MEGF11: variants seen among roughly 807,000 people sequenced by gnomAD.
MEGF11 encodes the protein multiple EGF like domains 11.
MEGF11 carries 126 observed loss-of-function variants against 146.6 expected under a neutral mutation model. The observed-to-expected ratio is 0.86, with a 90% CI of 0.74 to 1.00. The LOEUF (loss-of-function observed/expected upper bound fraction) is 1.00. Ranked by LOEUF, MEGF11 falls within the 50% of genes least tolerant of loss-of-function variation. The probability of loss-of-function intolerance (pLI) is 0.00; values close to 1 mark genes in which losing one functional copy is unlikely to be tolerated. For synonymous variants in MEGF11, 532 were observed against 583.4 expected (o/e 0.91, Z 1.27); for missense variants, 1,509 against 1,521.2 (o/e 0.99, Z 0.13).
chr15:66,208,896 AAAT>A lies in MEGF11; in HGVS notation c.-9+44706_-9+44708del, dbSNP rs560766753. 1.6e-3 allele frequency among the ~76,000 whole-genome samples: 248 copies of A among 152,116 alleles called. 1 individual carries two copies. The highest frequency in any genetic ancestry group is 5.9e-3 in the African/African-American group (243 of 41,494). ...CCATCTCAAAAAAGTAAAAAATAAA[AAAT>A]AAATAAAAACATGTCCCAGCTAGAG... On this transcript the variant is annotated intron_variant, in intron 1 of 25. Coordinates refer to ENST00000395614, the MANE Select transcript of MEGF11 (RefSeq NM_001385028.1).
At chr15:66,201,965 A>AC (rs1307909650) in intron 1 of MEGF11, among the ~76,000 whole-genome samples, 4 of 148,562 alleles carry the variant, frequency 2.7e-5, no homozygotes, top group African/African-American at 1.0e-4. Context: ...AAAAAAAAAA[A>AC]AAAAAAAAAA....
chr15:66,141,155 A>C (rs534046995), intron 1 of MEGF11, among the ~76,000 whole-genome samples: 1 of 151,812 alleles, frequency 6.6e-6, no homozygotes, highest in East Asian at 1.9e-4. Context: ...GCTCACGTGG[A>C]TGACCTAGAC....
chr15:65,981,830 A>G (rs547268757), intron 6 of MEGF11, among the ~76,000 whole-genome samples: 25 of 152,276 alleles, frequency 1.6e-4, no homozygotes, highest in African/African-American at 5.8e-4. Context: ...CAAATGCCCT[A>G]GAAGGGAAGG....
chr15:66,251,860 A>G (rs1418762711), intron 1 of MEGF11, among the ~76,000 whole-genome samples: 1 of 152,232 alleles, frequency 6.6e-6, no homozygotes, highest in Non-Finnish European at 1.5e-5. Context: ...CTAGCGGCTT[A>G]AACAAAATGT....
At chr15:65,979,117 AC>A (rs2081549350) in intron 7 of MEGF11, among the ~76,000 whole-genome samples, 1 of 152,164 alleles carries the variant, frequency 6.6e-6, no homozygotes, top group Non-Finnish European at 1.5e-5. Context: ...GTTCTGTGAA[AC>A]ACAGAAGGAA....
intron 5 of MEGF11, among the ~76,000 whole-genome samples, chr15:65,995,171 G>A (rs2082163500): frequency 6.6e-6 from 1 of 152,250 alleles, no homozygotes; most frequent in Non-Finnish European, 1.5e-5. Context: ...AGAGCACAGG[G>A]AGGGGGCGTG....
intron 1 of MEGF11, among the ~76,000 whole-genome samples, chr15:66,231,337 G>T (rs1017173045): frequency 5.3e-5 from 8 of 151,884 alleles, no homozygotes; most frequent in Admixed American, 5.2e-4. Context: ...GACAGAAGTA[G>T]GACACATAAT....
intron 1 of MEGF11, among the ~76,000 whole-genome samples, chr15:66,146,669 A>G (rs1381740507): frequency 2.6e-5 from 4 of 152,206 alleles, no homozygotes; most frequent in Admixed American, 2.6e-4. Context: ...GTTGTCATGA[A>G]GTGTCTAAGG....
chr15:65,928,277 A>G, intron 13 of MEGF11, 148 bp downstream of exon 13: 1 of 531,410 alleles, frequency 1.9e-6, no homozygotes, highest in Non-Finnish European at 3.4e-6. Flanking sequence ...AATGGAATGG[A>G]GAACTGGAAC....
Position 66,170,690 on chromosome 15 carries a change from A to AGG in MEGF11, c.-8-42281_-8-42280dup, listed in dbSNP as rs149031531. On this transcript the variant is annotated intron_variant, in intron 1 of 25. Transcript: ENST00000395614. ...TTGTCGTCATCCCTCATAGAATGGG[A>AGG]GGGGGGCCTTTGAAGTGGACACTGT... 2.6e-5 allele frequency among the ~76,000 whole-genome samples: 4 copies of AGG among 152,266 alleles called. No individual in the cohort carries two copies. The East Asian group carries it at 7.7e-4, about 29-fold the overall frequency.
chr15:66,018,172 G>C (rs929968922), intron 5 of MEGF11, among the ~76,000 whole-genome samples: 1 of 152,158 alleles, frequency 6.6e-6, no homozygotes, highest in African/African-American at 2.4e-5. Context: ...CCACAGAGCC[G>C]GGGAGTCTCC....
intron 1 of MEGF11, among the ~76,000 whole-genome samples, chr15:66,188,080 TC>T (rs2090760732): frequency 6.6e-6 from 1 of 152,062 alleles, no homozygotes; most frequent in Admixed American, 6.5e-5. Context: ...CTGTAGGACA[TC>T]GAGCAGCATC....
intron 1 of MEGF11, among the ~76,000 whole-genome samples, chr15:66,134,175 C>T (rs547731269): frequency 4.6e-5 from 7 of 152,194 alleles, no homozygotes; most frequent in Admixed American, 3.9e-4. Flanking sequence ...ACAGCCTACC[C>T]TGGAGCAGAG....
intron 5 of MEGF11, among the ~76,000 whole-genome samples, chr15:66,026,895 C>T (rs2083347872): frequency 1.3e-5 from 2 of 152,126 alleles, no homozygotes; most frequent in African/African-American, 2.4e-5. Context: ...GCCCCAGGAG[C>T]CTTATAGGAT....
Position 66,164,986 on chromosome 15 carries a change from G to A in MEGF11, c.-8-36575C>T, listed in dbSNP as rs570513287. 9.9e-5 allele frequency among the ~76,000 whole-genome samples: 15 copies of A among 152,272 alleles called. No homozygotes were observed. The East Asian group carries it at 1.5e-3, about 16-fold the overall frequency. On this transcript the variant is annotated intron_variant, in intron 1 of 25. Coordinates refer to ENST00000395614, the MANE Select transcript of MEGF11 (RefSeq NM_001385028.1). ...GGCAAACTTCAGTGGCAGGACTGCC[G>A]GCAGCTGGCTGGGAGACTCCCGGAC...
At chr15:66,120,977 C>T (rs2140921230) in intron 3 of MEGF11, among the ~76,000 whole-genome samples, 1 of 152,322 alleles carries the variant, frequency 6.6e-6, no homozygotes. Context: ...GGCCAGGTGC[C>T]AGGCTGCTCT....
chr15:65,925,313 T>C (rs2079333696), intron 13 of MEGF11, among the ~76,000 whole-genome samples: 1 of 152,218 alleles, frequency 6.6e-6, no homozygotes, highest in African/African-American at 2.4e-5. Context: ...ACCATGTTTA[T>C]TCTCAGACTG....
chr15:66,182,184 C>T (rs1157605613), intron 1 of MEGF11, among the ~76,000 whole-genome samples: 1 of 152,114 alleles, frequency 6.6e-6, no homozygotes, highest in Non-Finnish European at 1.5e-5. Flanking sequence ...GGACCAACGG[C>T]AAATAGAGTC....
intron 4 of MEGF11, among the ~76,000 whole-genome samples, chr15:66,099,222 T>TTTTTG (rs2086683474): frequency 7.6e-6 from 1 of 132,420 alleles, no homozygotes; most frequent in Admixed American, 7.6e-5. Context: ...TTTTTTTTTT[T>TTTTTG]GATATGGAGT....
Sources: gnomAD v4.1 joint callset for allele counts (sites outside exome capture counted in the v4.1 genomes callset) on GRCh38, gnomAD v4.1.1 for gene constraint, MANE v1.5 for transcripts, NCBI Gene and HGNC (gene_info 2026-07-23, HGNC 2026-07-21) for gene names.